CARD10: variants seen among roughly 807,000 people sequenced by gnomAD.
CARD10 encodes the protein caspase recruitment domain family member 10.
Under a neutral mutation model 114.6 loss-of-function variants are expected in CARD10, and 49 were observed. The observed-to-expected ratio is 0.43, with a 90% CI of 0.34 to 0.54. The LOEUF (loss-of-function observed/expected upper bound fraction) is 0.54, where lower values mean the gene tolerates loss of function less well. CARD10 is among the 20% of genes least tolerant of loss of function. The pLI is 0.03. For synonymous variants in CARD10, 602 were observed against 593.2 expected, an observed-to-expected ratio of 1.01 and a Z score of -0.21; for missense variants, 1,206 against 1,397.2, an observed-to-expected ratio of 0.86 and a Z score of 2.18.
intron 6 of CARD10, 66 bp from the exon 7 acceptor site, chr22:37,506,449 A>T: frequency 7.8e-7 from 1 of 1,282,868 alleles, no homozygotes; most frequent in Non-Finnish European, 1.1e-6. Flanking sequence ...CTGGCCTATG[A>T]CTTGGAGAAT....
At position 37,519,413 on chromosome 22, in the gene CARD10, G is replaced by A. The variant is rs1923958276; in HGVS notation, c.-213C>T. On this transcript the variant is annotated 5_prime_UTR_variant, in exon 1 of 20. Transcript: ENST00000251973. This position sits in a 1 kb window ranked among gnomAD's most constrained non-coding sequence, Gnocchi z 4.1. ...GGCGGCTCCGCCGGCGCAGGGGGGCGGTGCCCGTGGCGCCCCCGGCTCCGC... is the reference window on the plus strand; with the variant it reads ...GGCGGCTCCGCCGGCGCAGGGGGGCAGTGCCCGTGGCGCCCCCGGCTCCGC... 4 of 1,170,638 alleles carry A rather than the reference G, an allele frequency of 3.4e-6. No individual in the cohort carries two copies. The highest frequency in any genetic ancestry group is 4.2e-6 in the Non-Finnish European group (4 of 948,514). The allele number at this position is 1,170,638 out of a possible 1,614,324, so 72.5% of individuals were successfully genotyped here.
At chr22:37,510,180 C>G in intron 4 of CARD10, 32 bp downstream of exon 4, 3 of 1,587,992 alleles carry the variant, frequency 1.9e-6, no homozygotes, top group Non-Finnish European at 2.6e-6. Context: ...GACCACCCCC[C>G]AGCCTGTGCC....
chr22:37,516,946 A>G (rs1923863004), intron 2 of CARD10, among the ~76,000 whole-genome samples: 1 of 152,218 alleles, frequency 6.6e-6, no homozygotes, highest in Non-Finnish European at 1.5e-5. Context: ...TATTTTTTAC[A>G]TATCAGAATG....
In CARD10 at chr22:37,495,934, C is replaced by T. The variant is rs1172540222; in HGVS notation, c.2129G>A (p.Arg710His). 1.9e-6 allele frequency: 3 copies of T among 1,614,056 alleles called. No homozygotes were observed. Among genetic ancestry groups the T allele is most frequent in the Non-Finnish European group, 2.5e-6 (3 of 1,180,050 alleles). The change falls in exon 14 of 20, where the codon CGT becomes CAT. Residue 710 changes from arginine to histidine, a missense_variant. This residue lies in a region of CARD10 where 1,068 missense variants were observed against 1,179.1 expected (regional missense o/e 0.91). Transcript: ENST00000251973. ...CCTCTCAGGCAAGGTGAGGTTGGCA[C>T]GAATGTAGAAGGGCTCGGCACCTGG... is the stretch of plus-strand genomic sequence containing the variant. ...KGPGAEPFYI[R>H]ANLTLPERAD...
rs1300268149 is a variant in CARD10, at chr22:37,519,295, T to A, written c.-95A>T. 7.4e-7 allele frequency: 1 copy of A among 1,346,134 alleles called. No homozygotes were observed. Among genetic ancestry groups the A allele is most frequent in the Non-Finnish European group, 9.5e-7 (1 of 1,052,150 alleles). 83.4% of individuals were successfully genotyped at this position (1,346,134 alleles called of 1,614,324 possible). On this transcript the variant is annotated 5_prime_UTR_variant, in exon 1 of 20. Coordinates refer to ENST00000251973, the MANE Select transcript of CARD10 (RefSeq NM_014550.4). This position sits in a 1 kb window ranked among gnomAD's most constrained non-coding sequence, Gnocchi z 4.1. ...GCGGCCAAGCACCCCCGGGGCGTCG[T>A]CCGCAGACCCGCCGTCGGGGGCGCG...
At chr22:37,518,142 AG>A in intron 1 of CARD10, 34 bp from the exon 2 acceptor site, 1 of 1,601,162 alleles carries the variant, frequency 6.2e-7, no homozygotes, top group Non-Finnish European at 8.5e-7. Context: ...CCCAGGGTCT[AG>A]GGGAAGGCCT....
chr22:37,508,361 C>T (rs750672881), intron 5 of CARD10, among the ~76,000 whole-genome samples, 166 bp downstream of exon 5: 3 of 152,224 alleles, frequency 2.0e-5, no homozygotes, highest in East Asian at 3.8e-4. Context: ...TTGCTCACTG[C>T]GGCATCTCAA....
chr22:37,518,167 G>A (rs890066907), intron 1 of CARD10, 59 bp from the exon 2 acceptor site: 2 of 1,567,294 alleles, frequency 1.3e-6, no homozygotes, highest in African/African-American at 1.3e-5. Flanking sequence ...CAGGTGCCTG[G>A]TTGCTTCTGC....
At chr22:37,497,453 C>T (rs963463494) in intron 11 of CARD10, among the ~76,000 whole-genome samples, 6 of 152,328 alleles carry the variant, frequency 3.9e-5, no homozygotes, top group Non-Finnish European at 8.8e-5. Flanking sequence ...TGCCTTGCCA[C>T]GGCCCTTTCG....
chr22:37,500,595 G>T (rs1391993810), intron 11 of CARD10, among the ~76,000 whole-genome samples: 4 of 152,188 alleles, frequency 2.6e-5, no homozygotes, highest in African/African-American at 9.7e-5. Context: ...AAAGAGGAGA[G>T]AAAATGCCCA....
rs1923467252 is a variant in CARD10 at position 37,507,877 on chromosome 22, C to A, written c.1143G>T (p.Met381Ile). ...CCTCCAGTTGGGCCAGGACAGTGGC[C>A]ATGCGGTGCTTGTACAGGTCACAGT... ...QKDCDLYKHR[M>I]ATVLAQLEEI... Residue 381 changes from methionine to isoleucine, a missense_variant, in exon 6 of 20, where the codon ATG (methionine) becomes ATT (isoleucine). Met to Ile is a conservative substitution (Grantham distance 10, BLOSUM62 1). This residue lies in a region of CARD10 where 1,068 missense variants were observed against 1,179.1 expected (regional missense o/e 0.91). Coordinates refer to ENST00000251973, the MANE Select transcript of CARD10 (RefSeq NM_014550.4). 2 of 1,614,118 alleles carry A rather than the reference C, an allele frequency of 1.2e-6. No individual in the cohort carries two copies. Among genetic ancestry groups the A allele is most frequent in the Non-Finnish European group, 1.7e-6 (2 of 1,180,036 alleles).
At chr22:37,497,602 G>A (rs1189395316) in intron 11 of CARD10, among the ~76,000 whole-genome samples, 3 of 152,108 alleles carry the variant, frequency 2.0e-5, no homozygotes, top group African/African-American at 4.8e-5. Context: ...GGTGGCTCAC[G>A]CCTGTAATCC....
chr22:37,497,687 C>T (rs1923056258), intron 11 of CARD10, among the ~76,000 whole-genome samples: 1 of 152,018 alleles, frequency 6.6e-6, no homozygotes, highest in South Asian at 2.1e-4. Flanking sequence ...CATAGTGAAA[C>T]CCCATCTCTA....
chr22:37,503,045 T>C, intron 10 of CARD10, 140 bp downstream of exon 10: 7 of 966,978 alleles, frequency 7.2e-6, no homozygotes, highest in Non-Finnish European at 1.1e-5. Context: ...ACAACCTTCC[T>C]GCCTGGCAGG....
rs1206275305 is a variant in CARD10, at chr22:37,519,360, C to CCTCGGGCT, written c.-168_-161dup. On this transcript the variant is annotated 5_prime_UTR_variant, in exon 1 of 20. Transcript: ENST00000251973. The surrounding 1 kb of genome is among the most constrained non-coding windows in gnomAD (Gnocchi z 4.1). ...CGACTCACCCCGCACGCTACAGTCG[C>CCTCGGGCT]CTCGGGCTCCCGGGTCCGCACTCGG... The CCTCGGGCT allele has an allele frequency of 8.1e-7, 1 of 1,234,846 alleles. No individual in the cohort carries two copies. The highest frequency in any genetic ancestry group is 1.0e-6 in the Non-Finnish European group (1 of 989,690). The allele number at this position is 1,234,846 out of a possible 1,614,324, so 76.5% of individuals were successfully genotyped here. A position where few individuals can be genotyped will look rare whatever the true frequency, so the allele number is the denominator to read the frequency against.
chr22:37,507,598 G>A (rs1923456266), intron 6 of CARD10, among the ~76,000 whole-genome samples: 1 of 152,236 alleles, frequency 6.6e-6, no homozygotes, highest in African/African-American at 2.4e-5. Flanking sequence ...ACCAGCTTCT[G>A]TAACTGCCAC....
intron 11 of CARD10, among the ~76,000 whole-genome samples, chr22:37,500,098 T>C (rs2145758852): frequency 6.6e-6 from 1 of 152,294 alleles, no homozygotes; most frequent in South Asian, 2.1e-4. Context: ...GCGTGCCTGC[T>C]TGGTACCAGG....
At chr22:37,512,171 G>A in intron 3 of CARD10, 1 of 152,424 alleles carries the variant, frequency 6.6e-6, no homozygotes, top group Non-Finnish European at 1.5e-5. Context: ...TATGGGGGGT[G>A]GGCAGCTGTG....
intron 3 of CARD10, 79 bp downstream of exon 3, chr22:37,515,894 G>T: frequency 8.4e-7 from 1 of 1,194,068 alleles, no homozygotes; most frequent in Non-Finnish European, 1.2e-6. Flanking sequence ...TGGTGGCTCT[G>T]GGACACAGGC....
Sources: allele counts gnomAD v4.1 joint callset (sites outside exome capture counted in the v4.1 genomes callset), GRCh38; gene constraint gnomAD v4.1.1; regional missense constraint gnomAD v4.1.1; non-coding constraint Gnocchi (gnomAD v3.1); transcripts MANE v1.5; gene names NCBI Gene and HGNC (gene_info 2026-07-23, HGNC 2026-07-21).